Variants in PKD1L1 observed in about 807,000 individuals in gnomAD.
PKD1L1 encodes polycystin-1-like protein 1.
PKD1L1 carries 236 observed loss-of-function variants against 323.4 expected under a neutral mutation model. The observed-to-expected ratio is 0.73, with a 90% CI of 0.66 to 0.81. The LOEUF (loss-of-function observed/expected upper bound fraction) is 0.81. Among genes scored for constraint, PKD1L1 ranks in the 40% least tolerant of loss-of-function variants. The pLI, the probability that PKD1L1 is intolerant of heterozygous loss-of-function variation, is 0.00. For synonymous variants in PKD1L1, 1,344 were observed against 1,335.0 expected (o/e 1.01, Z -0.15); for missense variants, 3,320 against 3,508.0 (o/e 0.95, Z 1.35).
At chr7:47,917,962 G>A (rs1466442708) in intron 7 of PKD1L1, among the ~76,000 whole-genome samples, 2 of 152,124 alleles carry the variant, frequency 1.3e-5, no homozygotes, top group Non-Finnish European at 1.5e-5. Flanking sequence ...ATAGCATGAT[G>A]AATGGAATGG....
At chr7:47,897,757 C>T (rs1044566687) in intron 14 of PKD1L1, among the ~76,000 whole-genome samples, 14 of 152,188 alleles carry the variant, frequency 9.2e-5, no homozygotes, top group Admixed American at 7.9e-4. Flanking sequence ...TTGTTATACA[C>T]ATTGGAAGGA....
chr7:47,949,040 CTG>C (rs1230839899), upstream of PKD1L1, among the ~76,000 whole-genome samples: 2 of 152,044 alleles, frequency 1.3e-5, no homozygotes, highest in African/African-American at 4.8e-5. Context: ...AAGGGAGAGA[CTG>C]TACATGGAAG....
At position 47,854,962 on chromosome 7, in the gene PKD1L1, T is replaced by G. The variant is rs1785864685; in HGVS notation, c.4779A>C (p.Glu1593Asp). 3 of 1,613,982 alleles carry G rather than the reference T, an allele frequency of 1.9e-6. No individual in the cohort carries two copies. The African/African-American group carries it at 4.0e-5, about 22-fold the overall frequency. The change falls in exon 30 of 57, where the codon GAA (glutamate) becomes GAC (aspartate). Residue 1593 changes from glutamate (E) to aspartate (D), a missense_variant. Coordinates refer to ENST00000289672, the MANE Select transcript of PKD1L1 (RefSeq NM_138295.5). Reference sequence around the variant, plus strand: ...CTATCTGTAGAGATTCCTGGGGGTTTTCGGAAAGCTCAGTGAACTGATGGA... The same window carrying G: ...CTATCTGTAGAGATTCCTGGGGGTTGTCGGAAAGCTCAGTGAACTGATGGA... ...VNLHQFTELS[E>D]NPQESLQIEI...
chr7:47,865,368 A>T, intron 25 of PKD1L1, 96 bp from the exon 26 acceptor site: 1 of 1,094,180 alleles, frequency 9.1e-7, no homozygotes, highest in Non-Finnish European at 1.3e-6. Flanking sequence ...ATGTAGAAAT[A>T]GTACAGATTC....
At chr7:47,957,862 A>AAAATATATATATATATATATATAT in the PKD1L1 span, among the ~76,000 whole-genome samples, 6 of 134,664 alleles carry the variant, frequency 4.5e-5, no homozygotes, top group Non-Finnish European at 7.9e-5. Context: ...ATTAAAAAAA[A>AAAATATATATATATATATATATAT]ATATATATAT....
chr7:47,782,663 G>C (rs1786723772), intron 56 of PKD1L1, among the ~76,000 whole-genome samples: 1 of 152,196 alleles, frequency 6.6e-6, no homozygotes, highest in Non-Finnish European at 1.5e-5. Flanking sequence ...ACACCCATGT[G>C]TGCTAGCTGT....
At chr7:47,793,596 T>A (rs978917797) in intron 55 of PKD1L1, among the ~76,000 whole-genome samples, 3 of 152,208 alleles carry the variant, frequency 2.0e-5, no homozygotes, top group Non-Finnish European at 4.4e-5. Flanking sequence ...CCAGTTTCAG[T>A]TATATCTTTA....
At chr7:47,921,191 T>A (rs1224243767) in intron 7 of PKD1L1, among the ~76,000 whole-genome samples, 1 of 65,932 alleles carries the variant, frequency 1.5e-5, no homozygotes, top group African/African-American at 6.4e-5. Flanking sequence ...TTCAAACAAA[T>A]AACAATCCCA....
intron 7 of PKD1L1, among the ~76,000 whole-genome samples, chr7:47,928,111 G>A (rs1194979486): frequency 2.6e-5 from 4 of 152,166 alleles, no homozygotes; most frequent in Non-Finnish European, 4.4e-5. Flanking sequence ...GTGGAAAGGA[G>A]GGGAAACAAC....
At chr7:47,828,168 A>G (rs1785272861) in intron 44 of PKD1L1, among the ~76,000 whole-genome samples, 1 of 152,092 alleles carries the variant, frequency 6.6e-6, no homozygotes, top group East Asian at 1.9e-4. Context: ...CGTGTGGCGG[A>G]GAGATCCGTG....
intron 7 of PKD1L1, among the ~76,000 whole-genome samples, chr7:47,920,298 C>A (rs201251343): frequency 5.8e-4 from 82 of 140,282 alleles, no homozygotes; most frequent in Middle Eastern, 3.9e-3. Flanking sequence ...CAAACAAAAA[C>A]AAAAAAAAAA....
chr7:47,870,267 A>G (rs1786254018), intron 24 of PKD1L1, among the ~76,000 whole-genome samples: 1 of 152,108 alleles, frequency 6.6e-6, no homozygotes, highest in Admixed American at 6.6e-5. Flanking sequence ...TGAATGAAAT[A>G]GAGAATAGAA....
chr7:47,776,361 T>G (rs965867999), intron 56 of PKD1L1, among the ~76,000 whole-genome samples: 1 of 152,154 alleles, frequency 6.6e-6, no homozygotes, highest in Admixed American at 6.5e-5. Context: ...GATAAAGACA[T>G]TACAAGAACA....
chr7:47,825,242 C>T lies in PKD1L1; in HGVS notation c.6854+2108G>A, dbSNP rs1228579771. 3.3e-5 allele frequency among the ~76,000 whole-genome samples: 5 copies of T among 149,976 alleles called. 1 individual carries two copies. The South Asian group carries it at 1.0e-3, about 31-fold the overall frequency. ...TTTTTTGTTTTAAAGAGTTGCTGGTCCTTTAGGCCAGGTGTGGTGGCTCAT... is the reference window on the plus strand; with the variant it reads ...TTTTTTGTTTTAAAGAGTTGCTGGTTCTTTAGGCCAGGTGTGGTGGCTCAT... On this transcript the variant is annotated intron_variant, in intron 45 of 56. Coordinates refer to ENST00000289672, the MANE Select transcript of PKD1L1 (RefSeq NM_138295.5).
chr7:47,848,199 G>A (rs549924375), intron 31 of PKD1L1, among the ~76,000 whole-genome samples: 1 of 152,170 alleles, frequency 6.6e-6, no homozygotes, highest in African/African-American at 2.4e-5. Context: ...ATCCGACCCA[G>A]GAACAGCCTA....
chr7:47,918,306 A>AT (rs892397826), intron 7 of PKD1L1, among the ~76,000 whole-genome samples: 65 of 152,292 alleles, frequency 4.3e-4, no homozygotes, highest in African/African-American at 1.5e-3. Flanking sequence ...CAACAGGAAA[A>AT]TATCACAATC....
At chr7:47,915,312 C>T (rs991032026) in intron 8 of PKD1L1, 120 bp downstream of exon 8, 14 of 641,550 alleles carry the variant, frequency 2.2e-5, no homozygotes, top group African/African-American at 5.5e-5. Flanking sequence ...GACACCGTAG[C>T]CCATAGAGTG....
intron 56 of PKD1L1, among the ~76,000 whole-genome samples, chr7:47,781,403 TG>T (rs1562927362): frequency 5.1e-5 from 4 of 78,818 alleles, no homozygotes; most frequent in Admixed American, 1.6e-4. Context: ...TTTTTTGTTT[TG>T]TTTTGTTTTT....
intron 17 of PKD1L1, among the ~76,000 whole-genome samples, chr7:47,887,150 G>A (rs1171639592): frequency 6.6e-6 from 1 of 152,194 alleles, no homozygotes; most frequent in Non-Finnish European, 1.5e-5. Flanking sequence ...TTGCCAAGAA[G>A]GGCACAATCA....
Sources: allele counts gnomAD v4.1 joint callset (sites outside exome capture counted in the v4.1 genomes callset), GRCh38; gene constraint gnomAD v4.1.1; transcripts MANE v1.5; gene names NCBI Gene and HGNC (gene_info 2026-07-23, HGNC 2026-07-21).